The following SCFD2 variants were observed in gnomAD, a reference collection of about 807,000 sequenced individuals.
SCFD2 encodes the protein sec1 family domain containing 2, also known as sec1 family domain-containing protein 2.
A neutral mutation model predicts 58.9 loss-of-function variants in SCFD2; 54 were observed. The ratio of observed to expected loss-of-function variants is 0.92; its 90% confidence interval spans 0.74 to 1.15. The LOEUF (loss-of-function observed/expected upper bound fraction) is 1.15. Ranked by LOEUF, SCFD2 falls within the 50% of genes most tolerant of loss-of-function variation. SCFD2 has a pLI of 0.00. For missense variants in SCFD2, 805 were observed against 836.6 expected (o/e 0.96, Z 0.47); for synonymous variants, 321 against 335.9 (o/e 0.96, Z 0.49).
intron 1 of SCFD2, among the ~76,000 whole-genome samples, chr4:53,353,684 T>C (rs538210027): frequency 5.9e-5 from 9 of 151,602 alleles, no homozygotes; most frequent in African/African-American, 2.2e-4. Context: ...TACAATCCTT[T>C]AGCTAGACAC....
intron 5 of SCFD2, chr4:52,950,342 G>A (rs1421451208): frequency 6.6e-6 from 1 of 152,184 alleles, no homozygotes; most frequent in Non-Finnish European, 1.5e-5. Flanking sequence ...ATGCAGTTGG[G>A]GTGGAAGGAG....
chr4:53,143,311 G>A (rs1455623498), intron 5 of SCFD2, among the ~76,000 whole-genome samples: 1 of 152,112 alleles, frequency 6.6e-6, no homozygotes. Flanking sequence ...ATGCTTCTTA[G>A]GAATAACTTT....
intron 5 of SCFD2, among the ~76,000 whole-genome samples, chr4:52,969,105 G>A (rs1484122623): frequency 3.9e-5 from 6 of 152,120 alleles, no homozygotes; most frequent in Admixed American, 1.3e-4. Flanking sequence ...GGTGGGTTTA[G>A]CCAGACTCTC....
chr4:53,258,549 T>C (rs1277865212), intron 4 of SCFD2, among the ~76,000 whole-genome samples: 3 of 28,872 alleles, frequency 1.0e-4, no homozygotes, highest in South Asian at 7.3e-4. Flanking sequence ...TATATATATA[T>C]ATATATATAT....
At chr4:52,998,852 T>C (rs998812347) in intron 5 of SCFD2, among the ~76,000 whole-genome samples, 2 of 152,178 alleles carry the variant, frequency 1.3e-5, no homozygotes, top group Non-Finnish European at 2.9e-5. Context: ...ATTAACACAC[T>C]GTTTAGACTA....
chr4:53,335,208 A>C (rs1480936680), intron 2 of SCFD2, among the ~76,000 whole-genome samples: 17 of 146,800 alleles, frequency 1.2e-4, no homozygotes, highest in African/African-American at 3.7e-4. Context: ...AAAAAAAAAA[A>C]AAAAACAACA....
intron 5 of SCFD2, among the ~76,000 whole-genome samples, chr4:52,998,007 T>C (rs1404890309): frequency 1.3e-5 from 2 of 152,194 alleles, no homozygotes; most frequent in Non-Finnish European, 2.9e-5. Flanking sequence ...TGGTAGAATA[T>C]TGGTATAAAT....
intron 5 of SCFD2, among the ~76,000 whole-genome samples, chr4:53,105,784 C>A (rs1388181078): frequency 6.6e-6 from 1 of 152,176 alleles, no homozygotes; most frequent in Non-Finnish European, 1.5e-5. Flanking sequence ...AATGTCCCTG[C>A]CTGCAGGCTC....
chr4:53,250,334 T>C (rs1013363446), intron 4 of SCFD2, among the ~76,000 whole-genome samples: 1 of 152,004 alleles, frequency 6.6e-6, no homozygotes, highest in Non-Finnish European at 1.5e-5. Flanking sequence ...AGACTTAGAC[T>C]CCCACACAAT....
rs188123457 is a variant in SCFD2, at chr4:53,250,457, G to C, written c.1311+23369C>G. 7.4e-3 allele frequency among the ~76,000 whole-genome samples: 1,119 copies of C among 152,226 alleles called. 6 individuals carry two copies. The highest frequency in any genetic ancestry group is 0.026 in the African/African-American group (1,063 of 41,538). On this transcript the variant is annotated intron_variant, in intron 4 of 8. Transcript: ENST00000401642. ...AGCTCTGCACCAAGCACACCTAATA[G>C]ACATCTACAGAACTCTCCACCCCAA...
intron 4 of SCFD2, among the ~76,000 whole-genome samples, chr4:53,247,464 C>G (rs1730126715): frequency 6.6e-6 from 1 of 152,126 alleles, no homozygotes; most frequent in Non-Finnish European, 1.5e-5. Context: ...CTATTATTCA[C>G]AATAGCAAAG....
chr4:53,342,417 A>G (rs1434700832), intron 2 of SCFD2, among the ~76,000 whole-genome samples: 18 of 152,352 alleles, frequency 1.2e-4, no homozygotes, highest in Admixed American at 1.1e-3. Context: ...ACTATCCTAA[A>G]TATATATGCA....
At chr4:52,983,504 GC>G (rs1166133296) in intron 5 of SCFD2, among the ~76,000 whole-genome samples, 3 of 152,180 alleles carry the variant, frequency 2.0e-5, no homozygotes, top group African/African-American at 7.2e-5. Flanking sequence ...TCTAAATTAA[GC>G]TGCTTGTTGT....
chr4:53,161,143 T>C (rs1460963648), intron 4 of SCFD2, among the ~76,000 whole-genome samples: 1 of 152,134 alleles, frequency 6.6e-6, no homozygotes, highest in Non-Finnish European at 1.5e-5. Flanking sequence ...TCCCTACTCC[T>C]TAGAGGGAGG....
chr4:53,224,389 A>C (rs6554079), intron 4 of SCFD2, among the ~76,000 whole-genome samples: 720 of 37,714 alleles, frequency 0.019, 16 homozygotes, highest in African/African-American at 0.037. Context: ...ACTCCGTCTC[A>C]AAAAAAAAAA....
intron 5 of SCFD2, among the ~76,000 whole-genome samples, chr4:53,136,851 A>C (rs1398742376): frequency 6.6e-6 from 1 of 152,220 alleles, no homozygotes; most frequent in African/African-American, 2.4e-5. Flanking sequence ...AATGCTAGGT[A>C]CATAAATGTG....
chr4:53,146,785 G>A (rs527567208), intron 4 of SCFD2, among the ~76,000 whole-genome samples: 7 of 152,164 alleles, frequency 4.6e-5, no homozygotes, highest in African/African-American at 1.7e-4. Context: ...TTTTAGTATA[G>A]TATATTATTA....
chr4:52,910,605 A>T (rs1364863910), intron 6 of SCFD2, among the ~76,000 whole-genome samples: 3 of 152,230 alleles, frequency 2.0e-5, no homozygotes, highest in Admixed American at 1.3e-4. Flanking sequence ...ACTCATTAGC[A>T]GAATCACAGA....
At chr4:53,152,780 C>A (rs1468060946) in intron 4 of SCFD2, among the ~76,000 whole-genome samples, 1 of 152,084 alleles carries the variant, frequency 6.6e-6, no homozygotes, top group East Asian at 1.9e-4. Flanking sequence ...TTCCAAGATA[C>A]AATGGTGGTA....
Sources: allele counts gnomAD v4.1 joint callset (sites outside exome capture counted in the v4.1 genomes callset), GRCh38; gene constraint gnomAD v4.1.1; transcripts MANE v1.5; gene names NCBI Gene and HGNC (gene_info 2026-07-23, HGNC 2026-07-21).